Variants in THADA observed in about 807,000 individuals in gnomAD.
The protein encoded by THADA is THADA armadillo repeat containing.
A neutral mutation model predicts 219.8 loss-of-function variants in THADA; 213 were observed. That is an observed-to-expected ratio of 0.97 (90% CI 0.87 to 1.09). The LOEUF (loss-of-function observed/expected upper bound fraction) is 1.09. Among genes scored for constraint, THADA ranks in the 50% least tolerant of loss-of-function variants. The pLI, the probability that THADA is intolerant of heterozygous loss-of-function variation, is 0.00. For missense variants in THADA, 2,956 were observed against 2,311.3 expected (o/e 1.28, Z -5.72); for synonymous variants, 1,018 against 828.9 (o/e 1.23, Z -3.92).
At chr2:43,536,133 G>T (rs964215958) in intron 21 of THADA, among the ~76,000 whole-genome samples, 4 of 152,124 alleles carry the variant, frequency 2.6e-5, no homozygotes, top group Non-Finnish European at 5.9e-5. Context: ...TGTATAGAGT[G>T]AGAGGTGGGT....
chr2:43,502,132 T>C (rs1381003682), intron 24 of THADA, among the ~76,000 whole-genome samples: 1 of 151,930 alleles, frequency 6.6e-6, no homozygotes, highest in Non-Finnish European at 1.5e-5. Context: ...ATTATTTTAT[T>C]TTACACTAAA....
chr2:43,424,813 C>A (rs1462397263), intron 28 of THADA, among the ~76,000 whole-genome samples: 2 of 152,198 alleles, frequency 1.3e-5, no homozygotes, highest in Admixed American at 6.5e-5. Context: ...TCTACTGTAT[C>A]TGGCCACAAA....
chr2:43,301,580 G>A (rs1020571048), intron 31 of THADA, among the ~76,000 whole-genome samples: 8 of 152,228 alleles, frequency 5.3e-5, no homozygotes, highest in African/African-American at 7.2e-5. Flanking sequence ...TTGGAGGCAG[G>A]AATGTCCAAT....
intron 29 of THADA, among the ~76,000 whole-genome samples, chr2:43,372,601 C>T (rs1670932852): frequency 1.3e-5 from 2 of 152,088 alleles, no homozygotes; most frequent in African/African-American, 4.8e-5. Context: ...CTCAACACAG[C>T]CAACAGAGGG....
chr2:43,416,666 C>T (rs1180063048), intron 28 of THADA, among the ~76,000 whole-genome samples: 1 of 152,158 alleles, frequency 6.6e-6, no homozygotes, highest in Non-Finnish European at 1.5e-5. Flanking sequence ...ACATCTCATC[C>T]TCCGTGTACC....
intron 25 of THADA, among the ~76,000 whole-genome samples, chr2:43,487,805 G>C (rs1007740477): frequency 2.6e-5 from 4 of 152,132 alleles, no homozygotes; most frequent in African/African-American, 9.7e-5. Flanking sequence ...CACTGAATCT[G>C]CCACCATATT....
chr2:43,246,000 G>A (rs894096666), intron 36 of THADA, among the ~76,000 whole-genome samples: 2 of 135,822 alleles, frequency 1.5e-5, no homozygotes, highest in Admixed American at 7.8e-5. Flanking sequence ...GCCCACCTCC[G>A]AGCTTTATCC....
In THADA at chr2:43,591,976, C is replaced by T; in HGVS notation, c.147G>A (p.Val49=). The T allele has an allele frequency of 6.4e-7, 1 of 1,553,360 alleles. No homozygotes were observed. The highest frequency in any genetic ancestry group is 8.7e-7 in the Non-Finnish European group (1 of 1,147,568). Residue 49 remains valine, a synonymous_variant, in exon 3 of 38, where the codon GTG becomes GTA. Transcript: ENST00000405975. ...LLHCVQLTDG[V]SQIHYIKQIV... The stretch of plus-strand genomic sequence containing the variant: ...CCTGTTTAATATAATGGATTTGTGA[C>T]ACTCCATCCGTGAGTTGCACACAAT...
chr2:43,427,365 G>A (rs1323523000), intron 28 of THADA, among the ~76,000 whole-genome samples: 1 of 152,066 alleles, frequency 6.6e-6, no homozygotes, highest in Non-Finnish European at 1.5e-5. Flanking sequence ...CCTTGGAGCA[G>A]ACAGGGCTCA....
At chr2:43,334,779 CA>C (rs985874636) in intron 30 of THADA, among the ~76,000 whole-genome samples, 21 of 140,876 alleles carry the variant, frequency 1.5e-4, no homozygotes, top group African/African-American at 2.9e-4. Context: ...CGTCTCAAAA[CA>C]AAAAAAAAAA....
intron 26 of THADA, among the ~76,000 whole-genome samples, chr2:43,451,781 C>T (rs1682369092): frequency 6.6e-6 from 1 of 152,168 alleles, no homozygotes; most frequent in South Asian, 2.1e-4. Context: ...ACAGTTCAAA[C>T]AGTACTACAT....
Position 43,586,411 on chromosome 2 carries a change from C to T in THADA, c.523G>A (p.Glu175Lys), listed in dbSNP as rs1416216352. The change falls in exon 7 of 38, where the codon GAA becomes AAA. Residue 175 changes from glutamate to lysine, a missense_variant. Physicochemically the swap from Glu to Lys is moderately conservative, Grantham distance 56. Transcript: ENST00000405975. Reference sequence around the variant, plus strand: ...ACATATAGCACTTGCCTATTTTCTTCCAGGATTTCAATTAAACTCTTCTGC... The same window carrying T: ...ACATATAGCACTTGCCTATTTTCTTTCAGGATTTCAATTAAACTCTTCTGC... Reference protein sequence around the residue: ...FLQKSLIEILEENRKCAGNHI... With the variant: ...FLQKSLIEILKENRKCAGNHI... 5.7e-6 allele frequency: 9 copies of T among 1,584,256 alleles called. No individual in the cohort carries two copies. The highest frequency in any genetic ancestry group is 4.7e-5 in the South Asian group (4 of 84,790).
intron 26 of THADA, among the ~76,000 whole-genome samples, chr2:43,459,328 C>T (rs944584876): frequency 4.0e-5 from 6 of 151,702 alleles, no homozygotes; most frequent in African/African-American, 1.5e-4. Flanking sequence ...AGGATGTCTT[C>T]CTTGACTCCC....
At chr2:43,547,032 G>A (rs1184000400) in intron 20 of THADA, among the ~76,000 whole-genome samples, 1 of 151,976 alleles carries the variant, frequency 6.6e-6, no homozygotes, top group Non-Finnish European at 1.5e-5. Flanking sequence ...TCCATGTTTA[G>A]TGCTTCCTTC....
At chr2:43,269,583 C>G (rs1430806970) in intron 36 of THADA, among the ~76,000 whole-genome samples, 2 of 152,212 alleles carry the variant, frequency 1.3e-5, no homozygotes, top group Admixed American at 6.5e-5. Flanking sequence ...TGATGGCACA[C>G]GCAACTTGGA....
intron 21 of THADA, among the ~76,000 whole-genome samples, chr2:43,539,206 G>A (rs145674829): frequency 6.6e-6 from 1 of 152,232 alleles, no homozygotes; most frequent in Non-Finnish European, 1.5e-5. Flanking sequence ...TTCACCTAAG[G>A]CTTGACTCTT....
At chr2:43,245,172 CTTTTTTTT>C in intron 36 of THADA, among the ~76,000 whole-genome samples, 1 of 103,094 alleles carries the variant, frequency 9.7e-6, no homozygotes, top group East Asian at 2.4e-4. Context: ...CTTTCTTCTT[CTTTTTTTT>C]TTTTTTTTTT....
At chr2:43,582,459 T>C (rs1700560269) in intron 7 of THADA, among the ~76,000 whole-genome samples, 1 of 146,322 alleles carries the variant, frequency 6.8e-6, no homozygotes, top group African/African-American at 2.6e-5. Context: ...ATGGCACTAC[T>C]GCACTCCAGC....
intron 29 of THADA, among the ~76,000 whole-genome samples, chr2:43,362,526 T>C (rs909682514): frequency 6.6e-6 from 1 of 152,174 alleles, no homozygotes; most frequent in Non-Finnish European, 1.5e-5. Flanking sequence ...TTTTAAACGG[T>C]GCACCTGTAT....
Sources: allele counts gnomAD v4.1 joint callset (sites outside exome capture counted in the v4.1 genomes callset), GRCh38; gene constraint gnomAD v4.1.1; transcripts MANE v1.5; gene names NCBI Gene and HGNC (gene_info 2026-07-23, HGNC 2026-07-21).